SOX6: variants seen among roughly 807,000 people sequenced by gnomAD.
SOX6 encodes transcription factor SOX-6.
A neutral mutation model predicts 97.8 loss-of-function variants in SOX6; 11 were observed. The observed-to-expected ratio is 0.11, with a 90% confidence interval of 0.07 to 0.19. The LOEUF (loss-of-function observed/expected upper bound fraction) is 0.19. Among genes scored for constraint, SOX6 ranks in the 10% least tolerant of loss-of-function variants. The pLI is 1.00. For missense variants in SOX6, 810 were observed against 1,039.5 expected (o/e 0.78, Z 3.04); for synonymous variants, 360 against 371.4 (o/e 0.97, Z 0.35).
At chr11:16,669,586 CT>C (rs1847832551) in intron 3 of SOX6, among the ~76,000 whole-genome samples, 2 of 152,238 alleles carry the variant, frequency 1.3e-5, no homozygotes, top group Admixed American at 1.3e-4. Flanking sequence ...AGGGGCATCT[CT>C]GCAATTCCCT....
intron 3 of SOX6, among the ~76,000 whole-genome samples, chr11:16,623,169 C>T (rs566554783): frequency 8.4e-4 from 127 of 151,958 alleles, no homozygotes; most frequent in African/African-American, 2.4e-3. Context: ...TACAGGGGCG[C>T]GCCACCACGC....
intron 12 of SOX6, among the ~76,000 whole-genome samples, chr11:16,043,119 C>T (rs1259558728): frequency 6.6e-6 from 1 of 152,124 alleles, no homozygotes; most frequent in Non-Finnish European, 1.5e-5. Context: ...TAGAAGCAGC[C>T]TAATTAAAAT....
rs1336441348 is a variant in SOX6, at chr11:15,968,364, G to A, written c.*4445C>T. On this transcript the variant is annotated 3_prime_UTR_variant, in exon 16 of 16. Coordinates refer to ENST00000683767, the MANE Select transcript of SOX6 (RefSeq NM_001367873.1). ...ATTCCTCTAGCTGCATTTCTTTGCA[G>A]TTGTTGGCACTTGGTACAGGACTTC... 2 of 152,190 alleles carry A rather than the reference G, an allele frequency of 1.3e-5. No individual in the cohort carries two copies. The highest frequency in any genetic ancestry group is 2.9e-5 in the Non-Finnish European group (2 of 68,030). The allele number at this position is 152,190 out of a possible 1,614,324, so 9.4% of individuals were successfully genotyped here.
At chr11:16,172,274 G>A (rs1258961196) in intron 6 of SOX6, among the ~76,000 whole-genome samples, 1 of 151,956 alleles carries the variant, frequency 6.6e-6, no homozygotes, top group East Asian at 1.9e-4. Flanking sequence ...AAGCTATAAG[G>A]ATTTGTTTCC....
At chr11:16,103,175 G>GA (rs1342764441) in intron 7 of SOX6, among the ~76,000 whole-genome samples, 2 of 149,972 alleles carry the variant, frequency 1.3e-5, no homozygotes, top group African/African-American at 2.4e-5. Context: ...CAAATCGCAA[G>GA]AAAAAAAACA....
At chr11:16,337,978 C>G (rs1211678237) in intron 2 of SOX6, among the ~76,000 whole-genome samples, 1 of 151,938 alleles carries the variant, frequency 6.6e-6, no homozygotes, top group Non-Finnish European at 1.5e-5. Context: ...TTGTCTTCAC[C>G]TTCTCTGACA....
At chr11:16,597,067 C>CAATT (rs1199000492) in intron 4 of SOX6, among the ~76,000 whole-genome samples, 10 of 151,968 alleles carry the variant, frequency 6.6e-5, no homozygotes. Flanking sequence ...AAGCAAAACC[C>CAATT]AATTGAAACA....
At chr11:16,335,254 C>T (rs1307331971) in intron 2 of SOX6, among the ~76,000 whole-genome samples, 1 of 152,132 alleles carries the variant, frequency 6.6e-6, no homozygotes, top group African/African-American at 2.4e-5. Context: ...CCATTTTCAC[C>T]TGTTAACAGA....
intron 4 of SOX6, among the ~76,000 whole-genome samples, chr11:16,594,987 C>T (rs980487487): frequency 3.9e-5 from 6 of 152,040 alleles, no homozygotes; most frequent in South Asian, 2.1e-4. Context: ...CCACCGCGCC[C>T]GGCCTGGTTT....
chr11:16,584,526 C>T (rs1056264870), intron 4 of SOX6, among the ~76,000 whole-genome samples: 18 of 152,320 alleles, frequency 1.2e-4, no homozygotes, highest in African/African-American at 4.1e-4. Flanking sequence ...CCCACTGCTA[C>T]AGCTACTGTC....
chr11:16,133,352 G>A (rs964385762), intron 6 of SOX6, among the ~76,000 whole-genome samples: 3 of 152,146 alleles, frequency 2.0e-5, no homozygotes, highest in Non-Finnish European at 4.4e-5. Flanking sequence ...TACATTTTGG[G>A]GTGGTAGGTG....
At chr11:16,539,912 C>A (rs1042507759) in intron 4 of SOX6, among the ~76,000 whole-genome samples, 3 of 152,162 alleles carry the variant, frequency 2.0e-5, no homozygotes, top group Non-Finnish European at 2.9e-5. Context: ...TGGTACCATT[C>A]CTTCTGAAAC....
At chr11:16,671,083 C>G (rs912368601) in intron 3 of SOX6, among the ~76,000 whole-genome samples, 3 of 152,182 alleles carry the variant, frequency 2.0e-5, no homozygotes, top group Non-Finnish European at 2.9e-5. Flanking sequence ...AAGTAAGCTA[C>G]AGATAAAGAT....
intron 1 of SOX6, among the ~76,000 whole-genome samples, chr11:16,381,434 TAA>T (rs1320971344): frequency 6.6e-6 from 1 of 151,996 alleles, no homozygotes; most frequent in Non-Finnish European, 1.5e-5. Context: ...CTGAGAAAAT[TAA>T]AAGTGTTGTA....
chr11:16,497,963 A>T (rs12808748), intron 4 of SOX6, among the ~76,000 whole-genome samples: 26,168 of 152,102 alleles, frequency 0.17, 2,294 homozygotes, highest in African/African-American at 0.19. Flanking sequence ...GGAAATACAG[A>T]GAATGCCACA....
At chr11:16,271,167 A>G (rs1358650926) in intron 3 of SOX6, among the ~76,000 whole-genome samples, 1 of 151,358 alleles carries the variant, frequency 6.6e-6, no homozygotes, top group Non-Finnish European at 1.5e-5. Flanking sequence ...CCTTAGATCC[A>G]TAAATATAAT....
chr11:16,022,311 CTTCCTTCCTTCCTTCCTTCT>C (rs1855083650), intron 12 of SOX6, among the ~76,000 whole-genome samples: 1 of 146,218 alleles, frequency 6.8e-6, no homozygotes, highest in African/African-American at 2.6e-5. Context: ...TTTGTTTTTC[CTTCCTTCCTTCCTTCCTTCT>C]TTCCTTCCTT....
chr11:16,002,841 G>T (rs1440832041), intron 13 of SOX6, among the ~76,000 whole-genome samples: 1 of 152,162 alleles, frequency 6.6e-6, no homozygotes, highest in Non-Finnish European at 1.5e-5. Flanking sequence ...ATTAAGAAGT[G>T]CAAAGCAAGA....
At position 16,300,508 on chromosome 11, in the gene SOX6, T is replaced by C. The variant is rs1339069373; in HGVS notation, c.445+17938A>G. Among the ~76,000 whole-genome samples the C allele has an allele frequency of 6.6e-6, 1 of 152,228 alleles. No homozygotes were observed. Among genetic ancestry groups the C allele is most frequent in the African/African-American group, 2.4e-5 (1 of 41,458 alleles). On this transcript the variant is annotated intron_variant, in intron 3 of 15. Transcript: ENST00000683767. This position sits in a 1 kb window ranked among gnomAD's most constrained non-coding sequence, Gnocchi z 4.1. ...AGTGGACACAAATCGTTATCCTTACTTACAGCTGCCCCACTCTAATAGTGC... is the reference window on the plus strand; with the variant it reads ...AGTGGACACAAATCGTTATCCTTACCTACAGCTGCCCCACTCTAATAGTGC...
Sources: gnomAD v4.1 joint callset for allele counts (sites outside exome capture counted in the v4.1 genomes callset) on GRCh38, gnomAD v4.1.1 for gene constraint, Gnocchi (gnomAD v3.1) non-coding constraint, MANE v1.5 for transcripts, NCBI Gene and HGNC (gene_info 2026-07-23, HGNC 2026-07-21) for gene names.